The following VAV3 variants were observed in gnomAD, a reference collection of about 807,000 sequenced individuals.
VAV3 encodes the protein vav guanine nucleotide exchange factor 3.
VAV3 carries 94 observed loss-of-function variants against 131.2 expected under a neutral mutation model. The ratio of observed to expected loss-of-function variants is 0.72; its 90% CI spans 0.61 to 0.85. The LOEUF is 0.85. Ranked by LOEUF, VAV3 falls within the 40% of genes least tolerant of loss-of-function variation. The probability of loss-of-function intolerance (pLI) is 0.00; values close to 1 mark genes in which losing one functional copy is unlikely to be tolerated. For missense variants in VAV3, 939 were observed against 1,002.7 expected (o/e 0.94, Z 0.86); for synonymous variants, 349 against 342.0 (o/e 1.02, Z -0.22).
intron 1 of VAV3, among the ~76,000 whole-genome samples, chr1:107,933,299 G>A (rs1271212965): frequency 1.3e-5 from 2 of 150,392 alleles, no homozygotes; most frequent in African/African-American, 2.4e-5. Flanking sequence ...TTTTTTTCCA[G>A]TACAAAAGAT....
chr1:107,840,258 A>T, intron 2 of VAV3, among the ~76,000 whole-genome samples: 1 of 152,178 alleles, frequency 6.6e-6, no homozygotes, highest in East Asian at 1.9e-4. Flanking sequence ...CACTGCTTTA[A>T]ATTCAATACA....
chr1:107,728,532 G>A (rs1023254524), intron 15 of VAV3, among the ~76,000 whole-genome samples: 65 of 151,578 alleles, frequency 4.3e-4, no homozygotes, highest in African/African-American at 1.4e-3. Context: ...GGTTCCAATC[G>A]GGGATTCTTT....
At chr1:107,657,591 C>T (rs1351516235) in intron 19 of VAV3, among the ~76,000 whole-genome samples, 7 of 152,026 alleles carry the variant, frequency 4.6e-5, no homozygotes, top group Admixed American at 4.6e-4. Context: ...CACAGTGGTT[C>T]ATATCACTTT....
At chr1:107,765,288 A>G (rs1664678831) in intron 8 of VAV3, 113 bp from the exon 9 acceptor site, 1 of 758,632 alleles carries the variant, frequency 1.3e-6, no homozygotes, top group Non-Finnish European at 2.3e-6. Flanking sequence ...TAACCAAAAT[A>G]GCAGTAGAAA....
rs764213147 is a variant in VAV3, at chr1:107,705,029, T to C, written c.1535A>G (p.Asn512Ser). Residue 512 changes from asparagine (N) to serine (S), a missense_variant, in exon 16 of 27, where the codon AAT becomes AGT. By Grantham distance (46) the Asn-to-Ser change is conservative. Coordinates refer to ENST00000370056, the MANE Select transcript of VAV3 (RefSeq NM_006113.5). ...GGTATGCATCTTGAAGTCGTGGAAA[T>C]TGGAGTCTGCATAGTCTGGTCTTAT... is the stretch of plus-strand genomic sequence containing the variant. ...SNIRPDYADS[N>S]FHDFKMHTFT... 1.1e-5 allele frequency: 17 copies of C among 1,613,678 alleles called. 2 individuals are homozygous for C. In the Middle Eastern group the frequency reaches 9.9e-4, roughly 94 times the overall value.
intron 1 of VAV3, among the ~76,000 whole-genome samples, chr1:107,935,862 A>T (rs142935195): frequency 6.6e-6 from 1 of 152,330 alleles, no homozygotes; most frequent in South Asian, 2.1e-4. Flanking sequence ...AAACCATGGT[A>T]TATCAGGTGA....
intron 25 of VAV3, among the ~76,000 whole-genome samples, chr1:107,589,338 C>G (rs1360236699): frequency 6.6e-6 from 1 of 152,154 alleles, no homozygotes; most frequent in Non-Finnish European, 1.5e-5. Context: ...AATCCAATGA[C>G]AGGTGTCCAT....
intron 1 of VAV3, among the ~76,000 whole-genome samples, chr1:107,912,602 A>G (rs991355033): frequency 7.2e-5 from 11 of 151,900 alleles, no homozygotes; most frequent in African/African-American, 2.7e-4. Flanking sequence ...CACCTACACT[A>G]CTCTCTCCCT....
At chr1:107,614,262 G>A (rs574280184) in intron 21 of VAV3, among the ~76,000 whole-genome samples, 7 of 152,002 alleles carry the variant, frequency 4.6e-5, no homozygotes, top group African/African-American at 1.4e-4. Context: ...TCAGTTCTTG[G>A]TTTCTACCTG....
At chr1:107,709,970 C>A (rs1660683535) in intron 15 of VAV3, among the ~76,000 whole-genome samples, 1 of 152,116 alleles carries the variant, frequency 6.6e-6, no homozygotes, top group Non-Finnish European at 1.5e-5. Context: ...CGTACTCATA[C>A]ATATATTTCA....
At chr1:107,591,016 C>G (rs1650907347) in intron 25 of VAV3, among the ~76,000 whole-genome samples, 1 of 152,166 alleles carries the variant, frequency 6.6e-6, no homozygotes, top group African/African-American at 2.4e-5. Context: ...AATCCACTTA[C>G]TATACTCACA....
intron 18 of VAV3, among the ~76,000 whole-genome samples, chr1:107,687,986 A>G (rs923251431): frequency 1.3e-5 from 2 of 152,154 alleles, no homozygotes; most frequent in Admixed American, 1.3e-4. Flanking sequence ...ATAATCTTAG[A>G]TGAACAACGT....
At position 107,845,090 on chromosome 1, in the gene VAV3, C is replaced by T. The variant is rs776884962; in HGVS notation, c.321+29811G>A. Among the ~76,000 whole-genome samples the T allele has an allele frequency of 2.2e-4, 34 of 152,290 alleles. 1 individual carries two copies. Among genetic ancestry groups the T allele is most frequent in the East Asian group, 7.7e-4 (4 of 5,178 alleles). Reference sequence around the variant, plus strand: ...GCATCTGGTGGGTGCCCCTCTGGGACGAAGCTTCCAGAGAAAGGAACAGGC... The same window carrying T: ...GCATCTGGTGGGTGCCCCTCTGGGATGAAGCTTCCAGAGAAAGGAACAGGC... On this transcript the variant is annotated intron_variant, in intron 2 of 26. Transcript: ENST00000370056.
intron 15 of VAV3, among the ~76,000 whole-genome samples, chr1:107,722,714 T>A (rs4915069): frequency 1.3e-5 from 2 of 152,032 alleles, no homozygotes; most frequent in Non-Finnish European, 2.9e-5. Flanking sequence ...GGTTCTATGA[T>A]GAAGAGCAGC....
At position 107,573,117 on chromosome 1, in the gene VAV3, G is replaced by GT. The variant is rs1649368384; in HGVS notation, c.*213dup. The GT allele has an allele frequency of 3.9e-6, 2 of 515,994 alleles. No individual in the cohort carries two copies. The highest frequency in any genetic ancestry group is 6.5e-5 in the East Asian group (2 of 30,696). The allele number at this position is 515,994 out of a possible 1,614,324, so 32.0% of individuals were successfully genotyped here. ...CCTGACAATGACAGACTGGCAGGCTGTTTCTTGCACAGCTCTAGGCAAGCC... is the reference window on the plus strand; with the variant it reads ...CCTGACAATGACAGACTGGCAGGCTGTTTTCTTGCACAGCTCTAGGCAAGCC... On this transcript the variant is annotated 3_prime_UTR_variant, in exon 27 of 27. Transcript: ENST00000370056.
At chr1:107,654,310 T>C (rs1656383015) in intron 19 of VAV3, among the ~76,000 whole-genome samples, 1 of 152,176 alleles carries the variant, frequency 6.6e-6, no homozygotes, top group African/African-American at 2.4e-5. Context: ...TAGACAACAG[T>C]AAATCCTTTA....
At chr1:107,596,470 A>G in intron 24 of VAV3, 129 bp from the exon 25 acceptor site, 3 of 929,320 alleles carry the variant, frequency 3.2e-6, no homozygotes, top group Non-Finnish European at 4.7e-6. Context: ...TATATGGAAG[A>G]TTAAGCAAAT....
At chr1:107,688,702 CAG>C (rs1445434670) in intron 17 of VAV3, among the ~76,000 whole-genome samples, 1 of 152,156 alleles carries the variant, frequency 6.6e-6, no homozygotes, top group Non-Finnish European at 1.5e-5. Context: ...CTCCTTAAAA[CAG>C]GGGCTTACAC....
chr1:107,891,738 T>G (rs1018662561), intron 1 of VAV3, among the ~76,000 whole-genome samples: 2 of 144,946 alleles, frequency 1.4e-5, no homozygotes, highest in East Asian at 2.0e-4. Context: ...ACTTGGGAGG[T>G]TGAGGCAGGA....
Sources: gnomAD v4.1 joint callset for allele counts (sites outside exome capture counted in the v4.1 genomes callset) on GRCh38, gnomAD v4.1.1 for gene constraint, MANE v1.5 for transcripts, NCBI Gene and HGNC (gene_info 2026-07-23, HGNC 2026-07-21) for gene names.